IL1RAPL2: variants seen among roughly 807,000 people sequenced by gnomAD.
IL1RAPL2 encodes the protein interleukin 1 receptor accessory protein like 2, also known as X-linked interleukin-1 receptor accessory protein-like 2.
Under a neutral mutation model 44.1 loss-of-function variants are expected in IL1RAPL2, and 3 were observed. That is an observed-to-expected ratio of 0.07 (90% CI 0.03 to 0.18). IL1RAPL2 has a LOEUF of 0.18. Among genes scored for constraint, IL1RAPL2 ranks in the 10% least tolerant of loss-of-function variants. IL1RAPL2 has a pLI of 1.00. For missense variants in IL1RAPL2, 391 were observed against 496.4 expected, an observed-to-expected ratio of 0.79 and a Z score of 2.02; for synonymous variants, 181 against 178.8, an observed-to-expected ratio of 1.01 and a Z score of -0.10.
intron 4 of IL1RAPL2, among the ~76,000 whole-genome samples, chrX:105,260,943 T>C (rs1167820400): frequency 8.9e-6 from 1 of 112,274 alleles, no homozygotes; most frequent in Non-Finnish European, 1.9e-5. Context: ...CTCAGCCCCC[T>C]GGGTTCAGCC....
chrX:105,358,427 G>A (rs1172162151), intron 5 of IL1RAPL2, among the ~76,000 whole-genome samples: 4 of 106,957 alleles, frequency 3.7e-5, no homozygotes, highest in African/African-American at 1.4e-4. Flanking sequence ...TGTAATCCCA[G>A]CACTCTGGAA....
intron 6 of IL1RAPL2, among the ~76,000 whole-genome samples, chrX:105,697,493 G>A (rs908628879): frequency 4.5e-5 from 5 of 110,813 alleles, no homozygotes; most frequent in Non-Finnish European, 5.7e-5. Flanking sequence ...TTAGGGCTGC[G>A]ATGTGTACGG....
At chrX:104,847,136 T>C (rs1239563245) in intron 2 of IL1RAPL2, among the ~76,000 whole-genome samples, 1 of 112,140 alleles carries the variant, frequency 8.9e-6, no homozygotes, top group Non-Finnish European at 1.9e-5. Context: ...TCTCCCATTC[T>C]GTAGGTTGCC....
intron 2 of IL1RAPL2, among the ~76,000 whole-genome samples, chrX:105,084,174 A>G (rs187082409): frequency 8.9e-6 from 1 of 112,672 alleles, no homozygotes; most frequent in Non-Finnish European, 1.9e-5. Context: ...GAAGGAAAAA[A>G]TGTAGGGTAG....
intron 5 of IL1RAPL2, among the ~76,000 whole-genome samples, chrX:105,419,009 A>T (rs2035754518): frequency 8.9e-6 from 1 of 111,864 alleles, no homozygotes; most frequent in South Asian, 3.7e-4. Context: ...ACACTGCATC[A>T]CCTAGTTAGA....
chrX:104,575,417 C>A (rs1355545932), intron 1 of IL1RAPL2, among the ~76,000 whole-genome samples: 1 of 110,989 alleles, frequency 9.0e-6, no homozygotes, highest in Admixed American at 9.7e-5. Flanking sequence ...TTGTATATAT[C>A]CTATAAATAT....
chrX:104,992,684 G>A (rs187213119), intron 2 of IL1RAPL2, among the ~76,000 whole-genome samples: 5 of 110,320 alleles, frequency 4.5e-5, no homozygotes, highest in Admixed American at 9.7e-5. Flanking sequence ...AGAATTTGAC[G>A]TTTCTCTTTG....
chrX:105,584,725 C>T (rs1420387138), intron 6 of IL1RAPL2, among the ~76,000 whole-genome samples: 1 of 111,311 alleles, frequency 9.0e-6, no homozygotes, highest in South Asian at 3.7e-4. Context: ...TTGTGTCTTG[C>T]ATAATTTCTG....
chrX:104,674,945 T>C (rs1263892742), intron 2 of IL1RAPL2, among the ~76,000 whole-genome samples: 32 of 111,625 alleles, frequency 2.9e-4, no homozygotes, highest in African/African-American at 1.0e-3. Context: ...GGTGGTGATA[T>C]CCCCTTTATA....
intron 10 of IL1RAPL2, among the ~76,000 whole-genome samples, chrX:105,760,257 AC>A (rs1396120795): frequency 1.8e-5 from 2 of 111,921 alleles, no homozygotes; most frequent in Admixed American, 9.5e-5. Flanking sequence ...AAACAAAAAA[AC>A]ATAGTATAAA....
chrX:105,158,335 G>T (rs950955391), intron 2 of IL1RAPL2, among the ~76,000 whole-genome samples: 5 of 110,543 alleles, frequency 4.5e-5, no homozygotes, highest in African/African-American at 9.9e-5. Flanking sequence ...CGCCAGCCTG[G>T]GTGACAGAGC....
intron 1 of IL1RAPL2, among the ~76,000 whole-genome samples, chrX:104,581,612 G>C (rs1305584913): frequency 9.0e-6 from 1 of 111,301 alleles, no homozygotes; most frequent in Non-Finnish European, 1.9e-5. Flanking sequence ...GGAAAGTCAA[G>C]CCCAGAATTA....
chrX:104,704,229 C>A (rs1376025501), intron 2 of IL1RAPL2, among the ~76,000 whole-genome samples: 1 of 111,549 alleles, frequency 9.0e-6, no homozygotes, highest in Non-Finnish European at 1.9e-5. Context: ...GTGTCCCTGG[C>A]AGAAGGAATA....
At chrX:104,695,039 T>C (rs1418827337) in intron 2 of IL1RAPL2, among the ~76,000 whole-genome samples, 1 of 112,122 alleles carries the variant, frequency 8.9e-6, no homozygotes, top group Non-Finnish European at 1.9e-5. Flanking sequence ...AACAATCCAT[T>C]GATGTGTCTT....
intron 2 of IL1RAPL2, among the ~76,000 whole-genome samples, chrX:104,685,445 G>T (rs967016269): frequency 5.4e-5 from 6 of 111,541 alleles, no homozygotes; most frequent in Non-Finnish European, 1.1e-4. Flanking sequence ...GTAATTGAGG[G>T]GGCCTTGCTC....
At chrX:105,117,699 G>A (rs2032876420) in intron 2 of IL1RAPL2, among the ~76,000 whole-genome samples, 1 of 111,519 alleles carries the variant, frequency 9.0e-6, no homozygotes, top group Admixed American at 9.5e-5. Flanking sequence ...TGTGAAGAAG[G>A]TGCCTTTCTT....
intron 6 of IL1RAPL2, among the ~76,000 whole-genome samples, chrX:105,486,734 A>ATATATATCTATC (rs527419492): frequency 6.7e-5 from 7 of 103,868 alleles, no homozygotes; most frequent in African/African-American, 2.6e-4. Context: ...CTATATATCT[A>ATATATATCTATC]TATCTATCTA....
intron 5 of IL1RAPL2, among the ~76,000 whole-genome samples, chrX:105,318,549 T>G (rs2034871033): frequency 9.0e-6 from 1 of 110,988 alleles, no homozygotes; most frequent in Non-Finnish European, 1.9e-5. Context: ...CATGGGTTAT[T>G]CCAAACAGAG....
intron 6 of IL1RAPL2, among the ~76,000 whole-genome samples, chrX:105,528,993 A>C (rs1271517619): frequency 1.8e-5 from 2 of 111,303 alleles, no homozygotes; most frequent in Non-Finnish European, 3.8e-5. Flanking sequence ...AGCTTTATTG[A>C]GGACAATTAA....
Sources: allele counts gnomAD v4.1 joint callset (sites outside exome capture counted in the v4.1 genomes callset), GRCh38; gene constraint gnomAD v4.1.1; transcripts MANE v1.5; gene names NCBI Gene and HGNC (gene_info 2026-07-23, HGNC 2026-07-21).